TUBGCP6: variants seen among roughly 807,000 people sequenced by gnomAD.
The protein encoded by TUBGCP6 is tubulin gamma complex component 6, also known as gamma-tubulin complex component 6.
In TUBGCP6, 161 loss-of-function variants were observed where a neutral mutation model predicts 175.8. The observed-to-expected ratio is 0.92, with a 90% confidence interval of 0.81 to 1.04. The LOEUF is 1.04. Ranked by LOEUF, TUBGCP6 falls within the 50% of genes least tolerant of loss-of-function variation. The pLI, the probability that TUBGCP6 is intolerant of heterozygous loss-of-function variation, is 0.00. For synonymous variants in TUBGCP6, 1,173 were observed against 1,030.5 expected, an observed-to-expected ratio of 1.14 and a Z score of -2.65; for missense variants, 2,572 against 2,433.0, an observed-to-expected ratio of 1.06 and a Z score of -1.20.
Position 50,226,037 on chromosome 22 carries a change from A to G in TUBGCP6, c.1833+13T>C. On this transcript the variant is annotated intron_variant, in intron 9 of 24. Transcript: ENST00000248846. ...CCGGCCCCTCTCTTCCCCACACATG[A>G]GCCCCTCCTCACCCGGGGGCAGCAG... The G allele has an allele frequency of 6.2e-7, 1 of 1,613,962 alleles. No homozygotes were observed. Among genetic ancestry groups the G allele is most frequent in the Non-Finnish European group, 8.5e-7 (1 of 1,179,954 alleles).
intron 2 of TUBGCP6, among the ~76,000 whole-genome samples, chr22:50,233,857 T>C (rs1216446281): frequency 6.6e-6 from 1 of 152,066 alleles, no homozygotes; most frequent in Non-Finnish European, 1.5e-5. Flanking sequence ...GCCCTCAAGA[T>C]GGTGATTCAC....
chr22:50,237,706 C>A (rs998821619), intron 2 of TUBGCP6, among the ~76,000 whole-genome samples: 1 of 152,134 alleles, frequency 6.6e-6, no homozygotes, highest in African/African-American at 2.4e-5. Context: ...GAACCACCGC[C>A]GGGCCCCACC....
rs1240211128 is a variant in TUBGCP6 at position 50,224,208 on chromosome 22, C to T, written c.2203G>A (p.Ala735Thr). 9 of 1,614,014 alleles carry T rather than the reference C, an allele frequency of 5.6e-6. No homozygotes were observed. The East Asian group carries it at 6.7e-5, about 12-fold the overall frequency. The change falls in exon 13 of 25, where the codon GCC (alanine) becomes ACC (threonine). Residue 735 changes from alanine to threonine, a missense_variant. Physicochemically the swap from Ala to Thr is moderately conservative, Grantham distance 58. Coordinates refer to ENST00000248846, the MANE Select transcript of TUBGCP6 (RefSeq NM_020461.4). ...CTCTCCCTGTCTCGGAGTTCACGGGCGTAGCTGAAGTCATCATCCAGCTCC... is the reference window on the plus strand; with the variant it reads ...CTCTCCCTGTCTCGGAGTTCACGGGTGTAGCTGAAGTCATCATCCAGCTCC... Reference protein sequence around the residue: ...QEELDDDFSYARELRDRERRL... With the variant: ...QEELDDDFSYTRELRDRERRL...
rs967392340 is a variant in TUBGCP6, at chr22:50,219,445, T to C, written c.4327A>G (p.Ile1443Val). Reference sequence around the variant, plus strand: ...AGCACGGGGCGCAAAAGATGAGCAATGGGCGGCTCGGCTGCGGGAGATGGA... The same window carrying C: ...AGCACGGGGCGCAAAAGATGAGCAACGGGCGGCTCGGCTGCGGGAGATGGA... ...DSYESMSEPP[I>V]AHLLRPVLPR... Residue 1443 changes from isoleucine (I) to valine (V), a missense_variant, in exon 19 of 25, where the codon ATT (isoleucine) becomes GTT (valine). Coordinates refer to ENST00000248846, the MANE Select transcript of TUBGCP6 (RefSeq NM_020461.4). The C allele has an allele frequency of 3.7e-5, 59 of 1,575,778 alleles. No homozygotes were observed. The highest frequency in any genetic ancestry group is 4.9e-5 in the Non-Finnish European group (57 of 1,162,050).
Position 50,243,912 on chromosome 22 carries a change from T to G in TUBGCP6, c.548A>C (p.Glu183Ala), listed in dbSNP as rs755489573. ...SMIQETLQVM[E>A]AAPGTGLPTV... is the part of the protein sequence containing the mutation. The stretch of plus-strand genomic sequence containing the variant: ...GGGCAGGCCAGTGCCTGGAGCAGCC[T>G]CCATAACCTGAAGTGTTTCCTGGAT... Residue 183 changes from glutamate (E) to alanine (A), a missense_variant, in exon 1 of 25, where the codon GAG (glutamate) becomes GCG (alanine). Coordinates refer to ENST00000248846, the MANE Select transcript of TUBGCP6 (RefSeq NM_020461.4). 9.3e-6 allele frequency: 15 copies of G among 1,613,912 alleles called. No individual in the cohort carries two copies. The highest frequency in any genetic ancestry group is 3.3e-5 in the Admixed American group (2 of 60,006).
chr22:50,225,662 AC>A, intron 10 of TUBGCP6, 131 bp downstream of exon 10: 1 of 1,151,632 alleles, frequency 8.7e-7, no homozygotes, highest in Non-Finnish European at 1.1e-6. Flanking sequence ...CACCCAGGCC[AC>A]CGCCAGGACA....
rs541548704 is a variant in TUBGCP6, at chr22:50,220,131, C to G, written c.4109-116G>C. 1.9e-6 allele frequency: 3 copies of G among 1,548,848 alleles called. No individual in the cohort carries two copies. In the South Asian group the frequency reaches 3.5e-5, roughly 18 times the overall value. On this transcript the variant is annotated intron_variant, in intron 16 of 24. Transcript: ENST00000248846. Reference sequence around the variant, plus strand: ...CCATGTCCCCCACAGCAGCCCAGGTCCTGGCTGACAAGGAGGCCTGAGGGG... The same window carrying G: ...CCATGTCCCCCACAGCAGCCCAGGTGCTGGCTGACAAGGAGGCCTGAGGGG...
chr22:50,219,818 C>T, intron 17 of TUBGCP6, 27 bp from the exon 18 acceptor site: 1 of 1,609,674 alleles, frequency 6.2e-7, no homozygotes, highest in Non-Finnish European at 8.5e-7. Flanking sequence ...CTCAGAACCA[C>T]CTCCCCACTG....
At chr22:50,228,999 G>A (rs965357627) in intron 4 of TUBGCP6, among the ~76,000 whole-genome samples, 4 of 152,170 alleles carry the variant, frequency 2.6e-5, no homozygotes, top group African/African-American at 9.7e-5. Flanking sequence ...GCAGCTTCCG[G>A]AGCCAGACTT....
In TUBGCP6 at chr22:50,224,325, T is replaced by C; in HGVS notation, c.2154+7A>G. 1 of 1,614,236 alleles carries C rather than the reference T, an allele frequency of 6.2e-7. No homozygotes were observed. Among genetic ancestry groups the C allele is most frequent in the Non-Finnish European group, 8.5e-7 (1 of 1,180,038 alleles). ...GGCGTGACCCCGCAGGGACAGGTCC[T>C]ACCCACCTCCTGGTCCTTCACAAAT... On this transcript the variant is annotated splice_region_variant and intron_variant, in intron 12 of 24. Transcript: ENST00000248846.
At chr22:50,229,109 GC>G (rs2064656162) in intron 4 of TUBGCP6, among the ~76,000 whole-genome samples, 1 of 152,080 alleles carries the variant, frequency 6.6e-6, no homozygotes, top group African/African-American at 2.4e-5. Context: ...GGCAGCAAGA[GC>G]CCCACTCACG....
rs559835932 is a variant in TUBGCP6, at chr22:50,236,829, G to A, written c.906-3303C>T. Among the ~76,000 whole-genome samples the A allele has an allele frequency of 5.6e-4, 85 of 152,234 alleles. 1 individual carries two copies. The highest frequency in any genetic ancestry group is 1.9e-3 in the African/African-American group (80 of 41,538). On this transcript the variant is annotated intron_variant, in intron 2 of 24. Transcript: ENST00000248846. ...TCTTCCTGCAGATGGCCTCGGCAGG[G>A]GTGCAGGCTGTGGGCACAACCCTGT...
Position 50,219,424 on chromosome 22 carries a change from C to G in TUBGCP6, c.4348G>C (p.Val1450Leu). ...GGGAAGGCGAAGGCCCGGGGAAGCACGGGGCGCAAAAGATGAGCAATGGGC... is the reference window on the plus strand; with the variant it reads ...GGGAAGGCGAAGGCCCGGGGAAGCAGGGGGCGCAAAAGATGAGCAATGGGC... The part of the protein sequence containing the change: ...EPPIAHLLRP[V>L]LPRAFAFPVD... The change falls in exon 19 of 25, where the codon GTG becomes CTG. Residue 1450 changes from valine to leucine, a missense_variant. Physicochemically the swap from Val to Leu is conservative, Grantham distance 32. Coordinates refer to ENST00000248846, the MANE Select transcript of TUBGCP6 (RefSeq NM_020461.4). 6.4e-7 allele frequency: 1 copy of G among 1,569,938 alleles called. No individual in the cohort carries two copies. Among genetic ancestry groups the G allele is most frequent in the Non-Finnish European group, 8.6e-7 (1 of 1,158,398 alleles).
At chr22:50,241,897 C>T (rs1328279395) in intron 1 of TUBGCP6, among the ~76,000 whole-genome samples, 7 of 138,730 alleles carry the variant, frequency 5.0e-5, no homozygotes, top group East Asian at 4.5e-4. Flanking sequence ...TGTCTTGTGT[C>T]TTTATTTCTA....
intron 2 of TUBGCP6, among the ~76,000 whole-genome samples, chr22:50,234,712 A>T (rs1438765773): frequency 1.3e-5 from 1 of 78,594 alleles, no homozygotes; most frequent in Non-Finnish European, 2.5e-5. Context: ...CATCATCCAC[A>T]CCCCCTGTCC....
intron 2 of TUBGCP6, among the ~76,000 whole-genome samples, chr22:50,239,206 T>C (rs2064811282): frequency 6.6e-6 from 1 of 152,192 alleles, no homozygotes. Context: ...TGAGACAATC[T>C]CACTCTGTCA....
At chr22:50,243,698 A>T (rs757339671) in intron 1 of TUBGCP6, 21 bp downstream of exon 1, 2 of 1,580,148 alleles carry the variant, frequency 1.3e-6, no homozygotes, top group South Asian at 2.3e-5. Flanking sequence ...GAGATGAAAG[A>T]GGAAAAACTA....
Position 50,226,108 on chromosome 22 carries a change from G to A in TUBGCP6, c.1775C>T (p.Ala592Val), listed in dbSNP as rs1325836823. ...CTTTCCGCAGACGTATATGTCGTGGGCAATGTGCTTCAGAAACACGGGAAC... is the reference window on the plus strand; with the variant it reads ...CTTTCCGCAGACGTATATGTCGTGGACAATGTGCTTCAGAAACACGGGAAC... ...DCVPVFLKHI[A>V]HDIYVCGKTI... is the part of the protein sequence containing the mutation. The change falls in exon 9 of 25, where the codon GCC becomes GTC. Residue 592 changes from alanine to valine, a missense_variant. Transcript: ENST00000248846. 3 of 1,614,198 alleles carry A rather than the reference G, an allele frequency of 1.9e-6. No homozygotes were observed. The highest frequency in any genetic ancestry group is 1.3e-5 in the African/African-American group (1 of 75,052).
rs775151615 is a variant in TUBGCP6 at position 50,219,074 on chromosome 22, A to C, written c.4620T>G (p.Phe1540Leu). 3.7e-6 allele frequency: 6 copies of C among 1,612,078 alleles called. No homozygotes were observed. In the African/African-American group the frequency reaches 6.7e-5, roughly 18 times the overall value. Residue 1540 changes from phenylalanine to leucine, a missense_variant, in exon 20 of 25, where the codon TTT (phenylalanine) becomes TTG (leucine). By Grantham distance (22) the Phe-to-Leu change is conservative. Transcript: ENST00000248846. Reference protein sequence around the residue: ...EFAQSLSDLLFEKLGAGQTPG... With the variant: ...EFAQSLSDLLLEKLGAGQTPG... Reference sequence around the variant, plus strand: ...CCCCGTGTCCGGAGGCCACCTTCTCAAAGAGCAGGTCGCTGAGGGACTGGG... The same window carrying C: ...CCCCGTGTCCGGAGGCCACCTTCTCCAAGAGCAGGTCGCTGAGGGACTGGG...
Sources: allele counts gnomAD v4.1 joint callset (sites outside exome capture counted in the v4.1 genomes callset), GRCh38; gene constraint gnomAD v4.1.1; transcripts MANE v1.5; gene names NCBI Gene and HGNC (gene_info 2026-07-23, HGNC 2026-07-21).